The following IL1RAPL1 variants were observed in gnomAD, a reference collection of about 807,000 sequenced individuals.
The protein encoded by IL1RAPL1 is interleukin 1 receptor accessory protein like 1.
In IL1RAPL1, 3 loss-of-function variants were observed where a neutral mutation model predicts 48.4. That is an observed-to-expected ratio of 0.06 (90% confidence interval 0.03 to 0.16). IL1RAPL1 has a LOEUF of 0.16. Among genes scored for constraint, IL1RAPL1 ranks in the 10% least tolerant of loss-of-function variants. IL1RAPL1 has a pLI of 1.00. For missense variants in IL1RAPL1, 349 were observed against 530.6 expected (o/e 0.66, Z 3.36); for synonymous variants, 185 against 187.7 (o/e 0.99, Z 0.12).
At chrX:29,757,735 AAAT>A (rs1163929637) in intron 6 of IL1RAPL1, among the ~76,000 whole-genome samples, 7 of 112,387 alleles carry the variant, frequency 6.2e-5, no homozygotes, top group Non-Finnish European at 1.3e-4. Flanking sequence ...ATTAGAAAAA[AAAT>A]ATAAGAATGT....
intron 2 of IL1RAPL1, among the ~76,000 whole-genome samples, chrX:29,279,377 A>T (rs1019418761): frequency 9.0e-6 from 1 of 110,617 alleles, no homozygotes; most frequent in African/African-American, 3.3e-5. Flanking sequence ...CGGAGGTTGC[A>T]GTGAGCCAAG....
chrX:29,513,671 AT>A (rs1420816197), intron 5 of IL1RAPL1, among the ~76,000 whole-genome samples: 2 of 112,148 alleles, frequency 1.8e-5, no homozygotes, highest in Non-Finnish European at 3.8e-5. Context: ...AAACTTGTAG[AT>A]GCCTGCATTA....
intron 6 of IL1RAPL1, among the ~76,000 whole-genome samples, chrX:29,803,551 G>A (rs765311556): frequency 2.5e-4 from 25 of 98,765 alleles, no homozygotes; most frequent in South Asian, 4.5e-4. Flanking sequence ...ATGTATATGT[G>A]TGTATATATG....
intron 2 of IL1RAPL1, among the ~76,000 whole-genome samples, chrX:29,175,092 AAAGAG>A (rs1457921998): frequency 2.1e-5 from 2 of 94,607 alleles, no homozygotes; most frequent in Non-Finnish European, 2.2e-5. Context: ...AAAAAAAAAA[AAAGAG>A]AAAAATAGAA....
At chrX:29,438,621 A>G (rs760141192) in intron 5 of IL1RAPL1, among the ~76,000 whole-genome samples, 1 of 110,958 alleles carries the variant, frequency 9.0e-6, no homozygotes, top group Admixed American at 9.6e-5. Context: ...ACATTCCTTG[A>G]AACATTTTTT....
intron 1 of IL1RAPL1, among the ~76,000 whole-genome samples, chrX:28,605,936 A>G (rs1314801233): frequency 9.1e-6 from 1 of 110,334 alleles, no homozygotes; most frequent in Non-Finnish European, 1.9e-5. Flanking sequence ...CACTTCCATC[A>G]TTTTTGGCTT....
intron 2 of IL1RAPL1, among the ~76,000 whole-genome samples, chrX:29,278,248 C>A (rs993387953): frequency 8.9e-6 from 1 of 111,843 alleles, no homozygotes; most frequent in Non-Finnish European, 1.9e-5. Flanking sequence ...TTTTTCTACT[C>A]TTATTTGAAT....
chrX:29,030,343 G>A (rs1926589131), intron 2 of IL1RAPL1, among the ~76,000 whole-genome samples: 1 of 111,171 alleles, frequency 9.0e-6, no homozygotes, highest in Non-Finnish European at 1.9e-5. Context: ...GGAAAGAATG[G>A]ACACTTTAAC....
intron 3 of IL1RAPL1, among the ~76,000 whole-genome samples, chrX:29,394,313 T>C (rs907886356): frequency 9.0e-6 from 1 of 111,555 alleles, no homozygotes; most frequent in Non-Finnish European, 1.9e-5. Context: ...AGAAAAACCT[T>C]TCTAAGATCC....
At chrX:29,150,145 C>T (rs1929432449) in intron 2 of IL1RAPL1, among the ~76,000 whole-genome samples, 1 of 112,081 alleles carries the variant, frequency 8.9e-6, no homozygotes, top group Non-Finnish European at 1.9e-5. Context: ...AGCAGTATAC[C>T]TCAATAAATA....
chrX:29,197,205 G>T (rs943712284), intron 2 of IL1RAPL1, among the ~76,000 whole-genome samples: 2 of 111,790 alleles, frequency 1.8e-5, no homozygotes, highest in African/African-American at 3.3e-5. Flanking sequence ...AAATTAAGTA[G>T]AATCTGAAAG....
At chrX:28,807,743 A>C (rs150225835) in intron 2 of IL1RAPL1, among the ~76,000 whole-genome samples, 7,222 of 111,161 alleles carry the variant, frequency 0.065, 230 homozygotes, top group Non-Finnish European at 0.098. Flanking sequence ...TTGTTCTCCT[A>C]TTCATCCTAC....
Position 29,476,869 on chromosome X carries a change from A to ATTTTT in IL1RAPL1, c.703+77563_703+77564insTTTTT, listed in dbSNP as rs1934980303. Among the ~76,000 whole-genome samples the ATTTTT allele has an allele frequency of 4.1e-5, 2 of 49,339 alleles. 1 individual carries two copies. Among genetic ancestry groups the ATTTTT allele is most frequent in the Non-Finnish European group, 6.6e-5 (2 of 30,475 alleles). The allele number at this position is 49,339 out of a possible 115,157, so 42.8% of individuals were successfully genotyped here. ...AGTGACTCATTTACTTTTTACCCAT[A>ATTTTT]TTCTTTTTTTTTTTTTTTTTTTGAG... On this transcript the variant is annotated intron_variant, in intron 5 of 10. Coordinates refer to ENST00000378993, the MANE Select transcript of IL1RAPL1 (RefSeq NM_014271.4).
At chrX:29,597,112 A>C in intron 5 of IL1RAPL1, among the ~76,000 whole-genome samples, 1 of 105,529 alleles carries the variant, frequency 9.5e-6, no homozygotes, top group East Asian at 3.0e-4. Context: ...TCTTTTTGAT[A>C]TGCTGTTAGA....
chrX:29,486,612 CAAAAAAAAAAAAAAA>C (rs768358495), intron 5 of IL1RAPL1, among the ~76,000 whole-genome samples: 2 of 40,915 alleles, frequency 4.9e-5, no homozygotes. Flanking sequence ...AAGTGCTATA[CAAAAAAAAAAAAAAA>C]AAAAAAAAAA....
intron 6 of IL1RAPL1, among the ~76,000 whole-genome samples, chrX:29,836,188 C>CTTTT (rs201175211): frequency 1.1e-5 from 1 of 89,193 alleles, no homozygotes; most frequent in Non-Finnish European, 2.1e-5. Flanking sequence ...TTTCATTTTT[C>CTTTT]TTTTTTTTTT....
chrX:29,756,676 G>C (rs1928627565), intron 6 of IL1RAPL1, among the ~76,000 whole-genome samples: 2 of 111,871 alleles, frequency 1.8e-5, no homozygotes, highest in African/African-American at 3.3e-5. Context: ...GCCTCCCAAA[G>C]TGCCGGGATT....
At chrX:29,595,087 T>C (rs1222829076) in intron 5 of IL1RAPL1, among the ~76,000 whole-genome samples, 2 of 112,572 alleles carry the variant, frequency 1.8e-5, no homozygotes, top group Non-Finnish European at 3.7e-5. Context: ...GGCTGAGTAG[T>C]ATTCCATCGT....
intron 5 of IL1RAPL1, among the ~76,000 whole-genome samples, chrX:29,556,008 A>G (rs1296123613): frequency 1.8e-5 from 2 of 111,686 alleles, no homozygotes; most frequent in African/African-American, 6.5e-5. Flanking sequence ...CATTTGCATA[A>G]TTTGTTCACA....
Sources: gnomAD v4.1 joint callset for allele counts (sites outside exome capture counted in the v4.1 genomes callset) on GRCh38, gnomAD v4.1.1 for gene constraint, MANE v1.5 for transcripts, NCBI Gene and HGNC (gene_info 2026-07-23, HGNC 2026-07-21) for gene names.